VPS54: variants seen among roughly 807,000 people sequenced by gnomAD.
VPS54 encodes VPS54 subunit of GARP complex.
VPS54 carries 45 observed loss-of-function variants against 121.5 expected under a neutral mutation model. The observed-to-expected ratio is 0.37, with a 90% CI of 0.29 to 0.47. The LOEUF (loss-of-function observed/expected upper bound fraction) is 0.47, where lower values mean the gene tolerates loss of function less well. Among genes scored for constraint, VPS54 ranks in the 20% least tolerant of loss-of-function variants. The pLI, the probability that VPS54 is intolerant of heterozygous loss-of-function variation, is 0.99. For missense variants in VPS54, 1,090 were observed against 1,131.4 expected (o/e 0.96, Z 0.52); for synonymous variants, 371 against 385.8 (o/e 0.96, Z 0.45).
chr2:64,008,770 G>A (rs1678288509), intron 1 of VPS54, among the ~76,000 whole-genome samples: 1 of 151,996 alleles, frequency 6.6e-6, no homozygotes. Context: ...AATGAAAGAA[G>A]GAAGGATGAC....
rs1330825314 is a variant in VPS54 at position 63,962,370 on chromosome 2, T to C, written c.698A>G (p.His233Arg). 4 of 1,613,704 alleles carry C rather than the reference T, an allele frequency of 2.5e-6. No homozygotes were observed. The highest frequency in any genetic ancestry group is 3.4e-6 in the Non-Finnish European group (4 of 1,179,850). ...CAACTCGTGTTGAGAGGTCATTGCA[T>C]GAAAAAATGCTTCTGAACGTAGAGA... ...QISLRSEAFF[H>R]AMTSQHELQD... is the part of the protein sequence containing the mutation. The change falls in exon 7 of 23, where the codon CAT (histidine) becomes CGT (arginine). Residue 233 changes from histidine to arginine, a missense_variant. This residue lies in a region of VPS54 where 801 missense variants were observed against 757.0 expected (regional missense o/e 1.06). Coordinates refer to ENST00000272322, the MANE Select transcript of VPS54 (RefSeq NM_016516.3).
chr2:63,976,365 C>CA (rs1221827869), intron 3 of VPS54, among the ~76,000 whole-genome samples: 7 of 144,248 alleles, frequency 4.9e-5, no homozygotes, highest in Admixed American at 1.4e-4. Flanking sequence ...AAAAAAAAAA[C>CA]AAAAAACAAA....
At chr2:63,929,255 A>C (rs935406239) in intron 12 of VPS54, among the ~76,000 whole-genome samples, 3 of 152,330 alleles carry the variant, frequency 2.0e-5, no homozygotes, top group Admixed American at 2.0e-4. Context: ...AATTGACCAC[A>C]TAACTCGAAC....
At chr2:63,959,813 G>A (rs1273617302) in intron 7 of VPS54, among the ~76,000 whole-genome samples, 3 of 152,056 alleles carry the variant, frequency 2.0e-5, no homozygotes, top group Non-Finnish European at 4.4e-5. Flanking sequence ...CGGAGGTCAG[G>A]AGTTCGAGAC....
intron 20 of VPS54, among the ~76,000 whole-genome samples, chr2:63,903,398 G>A (rs543855342): frequency 7.2e-5 from 11 of 152,254 alleles, no homozygotes; most frequent in African/African-American, 9.6e-5. Context: ...AGAAATATGA[G>A]TGGAATGTTT....
chr2:63,931,234 A>G (rs1435875781), intron 12 of VPS54, among the ~76,000 whole-genome samples: 2 of 152,236 alleles, frequency 1.3e-5, no homozygotes, highest in African/African-American at 4.8e-5. Flanking sequence ...TGGAGGCATC[A>G]TGCTACCTGA....
rs1372416258 is a variant in VPS54 at position 63,994,952 on chromosome 2, G to C, written c.-20-10933C>G. Reference sequence around the variant, plus strand: ...ATTTTATTTCTTATTGGGAGAACGAGAATCATCATTCTACTTTGCATAGGA... The same window carrying C: ...ATTTTATTTCTTATTGGGAGAACGACAATCATCATTCTACTTTGCATAGGA... On this transcript the variant is annotated intron_variant, in intron 1 of 22. Coordinates refer to ENST00000272322, the MANE Select transcript of VPS54 (RefSeq NM_016516.3). Among the ~76,000 whole-genome samples the C allele has an allele frequency of 2.6e-5, 4 of 152,142 alleles. No homozygotes were observed. The East Asian group carries it at 7.7e-4, about 29-fold the overall frequency.
At chr2:64,006,151 C>A (rs1376019555) in intron 1 of VPS54, among the ~76,000 whole-genome samples, 16 of 152,180 alleles carry the variant, frequency 1.1e-4, no homozygotes, top group Non-Finnish European at 5.9e-5. Context: ...TCCTATACCA[C>A]ACCCAATACA....
At chr2:64,011,974 AC>A (rs1180618217) in intron 1 of VPS54, among the ~76,000 whole-genome samples, 1 of 152,248 alleles carries the variant, frequency 6.6e-6, no homozygotes, top group Non-Finnish European at 1.5e-5. Flanking sequence ...TAAATAGTTT[AC>A]AAATAAAAAT....
At chr2:63,949,911 G>C (rs73935025) in intron 7 of VPS54, among the ~76,000 whole-genome samples, 2,102 of 152,268 alleles carry the variant, frequency 0.014, 58 homozygotes, top group African/African-American at 0.047. Context: ...AGGAAGTCTT[G>C]AATAATGGGA....
chr2:63,924,136 A>T (rs1193590867), intron 12 of VPS54, among the ~76,000 whole-genome samples: 1 of 152,234 alleles, frequency 6.6e-6, no homozygotes, highest in Non-Finnish European at 1.5e-5. Context: ...GGGAAGGATA[A>T]AAACTGTGAG....
intron 7 of VPS54, among the ~76,000 whole-genome samples, chr2:63,950,106 A>G (rs1408343809): frequency 6.6e-6 from 1 of 152,120 alleles, no homozygotes; most frequent in Non-Finnish European, 1.5e-5. Context: ...GAAATCCTTC[A>G]TTCCTCACCC....
rs1237862914 is a variant in VPS54, at chr2:63,921,188, C to G, written c.1869+18G>C. 6.3e-7 allele frequency: 1 copy of G among 1,599,750 alleles called. No individual in the cohort carries two copies. The highest frequency in any genetic ancestry group is 8.5e-7 in the Non-Finnish European group (1 of 1,173,900). ...ATTATTACGTATAAAATATATAAAG[C>G]TTTATGAAAATAGCTACCTTTGCTC... On this transcript the variant is annotated intron_variant, in intron 13 of 22. Coordinates refer to ENST00000272322, the MANE Select transcript of VPS54 (RefSeq NM_016516.3).
chr2:63,956,098 G>A (rs545882053), intron 7 of VPS54, among the ~76,000 whole-genome samples: 4 of 152,204 alleles, frequency 2.6e-5, no homozygotes, highest in South Asian at 2.1e-4. Flanking sequence ...CCTCTGTGCT[G>A]TTCTTATCAG....
chr2:63,931,899 GA>G (rs1371604753), intron 12 of VPS54, among the ~76,000 whole-genome samples: 1 of 152,164 alleles, frequency 6.6e-6, no homozygotes. Context: ...AAAGACATAT[GA>G]AAAAATGCTC....
rs770650729 is a variant in VPS54, at chr2:63,912,593, G to A, written c.2491C>T (p.Arg831Ter). 1.3e-6 allele frequency: 2 copies of A among 1,596,242 alleles called. No homozygotes were observed. The highest frequency in any genetic ancestry group is 1.7e-6 in the Non-Finnish European group (2 of 1,175,876). Reference protein sequence around the residue: ...IPVIRAHFEARLPPKQYSMLR... With the variant: ...IPVIRAHFEA ...ATGCTATATTGCTTAGGTGGTAGTCGAGCTTCAAAATGAGCCCGGATCACA... is the reference window on the plus strand; with the variant it reads ...ATGCTATATTGCTTAGGTGGTAGTCAAGCTTCAAAATGAGCCCGGATCACA... Residue 831 changes from arginine to a stop codon, truncating the protein, a stop_gained, in exon 19 of 23, where the codon CGA (arginine) becomes TGA (stop). Transcript: ENST00000272322. LOFTEE classifies it high-confidence loss of function.
chr2:64,018,369 G>A (rs114224541), intron 1 of VPS54, among the ~76,000 whole-genome samples: 3 of 152,130 alleles, frequency 2.0e-5, no homozygotes, highest in African/African-American at 7.2e-5. Context: ...AGTCAACGAC[G>A]GGAGAGCAGA....
At chr2:63,899,779 G>A (rs1372978709) in intron 20 of VPS54, among the ~76,000 whole-genome samples, 198 bp from the exon 21 acceptor site, 1 of 152,274 alleles carries the variant, frequency 6.6e-6, no homozygotes, top group Non-Finnish European at 1.5e-5. Context: ...AATTCACTTT[G>A]AAGGAACTAA....
intron 1 of VPS54, among the ~76,000 whole-genome samples, chr2:64,004,758 A>G (rs1431171073): frequency 1.3e-5 from 2 of 152,192 alleles, no homozygotes; most frequent in Non-Finnish European, 2.9e-5. Flanking sequence ...AGCTACAATA[A>G]TAACTGTTTA....
Sources: gnomAD v4.1 joint callset for allele counts (sites outside exome capture counted in the v4.1 genomes callset) on GRCh38, gnomAD v4.1.1 for gene constraint, gnomAD v4.1.1 regional missense constraint, MANE v1.5 for transcripts, NCBI Gene and HGNC (gene_info 2026-07-23, HGNC 2026-07-21) for gene names.